The following DENND5B variants were observed in gnomAD, a reference collection of about 807,000 sequenced individuals.
The protein encoded by DENND5B is DENN domain-containing protein 5B.
In DENND5B, 34 loss-of-function variants were observed where a neutral mutation model predicts 140.6. The observed-to-expected ratio is 0.24, with a 90% confidence interval of 0.18 to 0.32. The LOEUF is 0.32. Among genes scored for constraint, DENND5B ranks in the 10% least tolerant of loss-of-function variants. The pLI is 1.00. For missense variants in DENND5B, 1,142 were observed against 1,560.2 expected (o/e 0.73, Z 4.52); for synonymous variants, 551 against 562.1 (o/e 0.98, Z 0.28).
At chr12:31,405,039 C>G (rs1942043780) in intron 14 of DENND5B, among the ~76,000 whole-genome samples, 1 of 151,824 alleles carries the variant, frequency 6.6e-6, no homozygotes, top group African/African-American at 2.4e-5. Context: ...GGATTACAGG[C>G]ATGAGCCACC....
intron 1 of DENND5B, among the ~76,000 whole-genome samples, chr12:31,587,402 T>A (rs1313773395): frequency 6.6e-6 from 1 of 152,074 alleles, no homozygotes; most frequent in Non-Finnish European, 1.5e-5. Context: ...ACCATATTCA[T>A]AGAATTCATA....
At chr12:31,439,618 C>A (rs576584412) in intron 7 of DENND5B, among the ~76,000 whole-genome samples, 49 of 145,376 alleles carry the variant, frequency 3.4e-4, no homozygotes, top group Non-Finnish European at 6.6e-4. Context: ...AATGAATGAA[C>A]AATCTAATGC....
At chr12:31,420,617 T>C (rs1293180470) in intron 11 of DENND5B, among the ~76,000 whole-genome samples, 2 of 152,122 alleles carry the variant, frequency 1.3e-5, no homozygotes, top group Non-Finnish European at 2.9e-5. Context: ...CTGACTTTTA[T>C]ATTTTTAGTA....
chr12:31,511,651 T>C (rs1947422218), intron 1 of DENND5B, among the ~76,000 whole-genome samples: 1 of 152,056 alleles, frequency 6.6e-6, no homozygotes, highest in South Asian at 2.1e-4. Flanking sequence ...TGTTAAATTA[T>C]ATCTTCCCCT....
intron 2 of DENND5B, among the ~76,000 whole-genome samples, chr12:31,491,382 G>A (rs930739917): frequency 2.6e-5 from 4 of 152,142 alleles, no homozygotes; most frequent in Non-Finnish European, 5.9e-5. Flanking sequence ...GAACACCGGA[G>A]GCAGAGGTTG....
chr12:31,398,486 A>T lies in DENND5B; in HGVS notation c.3069-124T>A, dbSNP rs1465684420. 6 of 880,280 alleles carry T rather than the reference A, an allele frequency of 6.8e-6. No individual in the cohort carries two copies. In the East Asian group the frequency reaches 1.4e-4, roughly 20 times the overall value. The allele number at this position is 880,280 out of a possible 1,614,324, so 54.5% of individuals were successfully genotyped here. A position where few individuals can be genotyped will look rare whatever the true frequency, so the allele number is the denominator to read the frequency against. ...CACCTGGCTAATTTTTGTGTTTTTTATAGAGAGGTCTCATTACATTGCCCA... is the reference window on the plus strand; with the variant it reads ...CACCTGGCTAATTTTTGTGTTTTTTTTAGAGAGGTCTCATTACATTGCCCA... On this transcript the variant is annotated intron_variant, in intron 16 of 20. Coordinates refer to ENST00000389082, the MANE Select transcript of DENND5B (RefSeq NM_144973.4).
intron 1 of DENND5B, among the ~76,000 whole-genome samples, chr12:31,524,280 T>C (rs1948007539): frequency 6.6e-6 from 1 of 152,196 alleles, no homozygotes; most frequent in African/African-American, 2.4e-5. Flanking sequence ...ATGGCAGAAA[T>C]GTCACTGTGA....
At chr12:31,574,347 T>G (rs1949937276) in intron 1 of DENND5B, among the ~76,000 whole-genome samples, 1 of 150,714 alleles carries the variant, frequency 6.6e-6, no homozygotes, top group African/African-American at 2.4e-5. Flanking sequence ...CCCAGCACTT[T>G]GGGAGGCCAA....
chr12:31,431,981 A>C, intron 8 of DENND5B: 1 of 843,810 alleles, frequency 1.2e-6, no homozygotes, highest in South Asian at 5.4e-5. Context: ...GTAACATTCA[A>C]GTAACACCAA....
intron 1 of DENND5B, among the ~76,000 whole-genome samples, chr12:31,575,517 AAATTT>A (rs1320600932): frequency 3.3e-5 from 5 of 152,234 alleles, no homozygotes; most frequent in African/African-American, 9.6e-5. Flanking sequence ...AAATTGATAT[AAATTT>A]AATATCTAGA....
At chr12:31,520,678 C>A (rs935876405) in intron 1 of DENND5B, among the ~76,000 whole-genome samples, 1 of 152,046 alleles carries the variant, frequency 6.6e-6, no homozygotes, top group African/African-American at 2.4e-5. Context: ...CTAGCTGGGA[C>A]TACAGGTGTG....
intron 2 of DENND5B, among the ~76,000 whole-genome samples, chr12:31,485,163 C>T (rs1946250908): frequency 6.6e-6 from 1 of 152,192 alleles, no homozygotes; most frequent in African/African-American, 2.4e-5. Context: ...GGGCACTGGT[C>T]AACAGAAAGG....
intron 1 of DENND5B, among the ~76,000 whole-genome samples, chr12:31,520,701 C>T (rs56282720): frequency 0.13 from 20,395 of 151,888 alleles, 1,618 homozygotes; most frequent in Non-Finnish European, 0.18. Flanking sequence ...CCACCATGCC[C>T]GGCTAATTTT....
At chr12:31,454,412 T>A (rs1283782681) in intron 4 of DENND5B, among the ~76,000 whole-genome samples, 1 of 152,188 alleles carries the variant, frequency 6.6e-6, no homozygotes, top group Non-Finnish European at 1.5e-5. Context: ...ATGTCGCATC[T>A]TGCTGAAGAC....
At position 31,452,300 on chromosome 12, in the gene DENND5B, C is replaced by T; in HGVS notation, c.1269G>A (p.Met423Ile). ...TGTCATTGACCAAGTCTTTCAGAAC[C>T]ATATTCTTCAGTTTGCTGGTACTCT... ...CSESTSKLKN[M>I]VLKDLVNDKK... Residue 423 changes from methionine (M) to isoleucine (I), a missense_variant, in exon 5 of 21, where the codon ATG (methionine) becomes ATA (isoleucine). Physicochemically the swap from Met to Ile is conservative, Grantham distance 10. Around this residue, in one of 5 missense-constraint regions of DENND5B, gnomAD observed 708 missense variants for 905.5 expected, o/e 0.78. Transcript: ENST00000389082. 1 of 1,613,892 alleles carries T rather than the reference C, an allele frequency of 6.2e-7. No individual in the cohort carries two copies. Among genetic ancestry groups the T allele is most frequent in the Non-Finnish European group, 8.5e-7 (1 of 1,179,880 alleles).
intron 1 of DENND5B, among the ~76,000 whole-genome samples, chr12:31,565,355 C>CA (rs1431742136): frequency 2.6e-5 from 4 of 151,958 alleles, no homozygotes; most frequent in African/African-American, 4.8e-5. Flanking sequence ...GATCATCTCA[C>CA]AAAAAAACGA....
intron 7 of DENND5B, 25 bp downstream of exon 7, chr12:31,442,750 C>G (rs1218983051): frequency 6.2e-7 from 1 of 1,605,494 alleles, no homozygotes; most frequent in African/African-American, 1.3e-5. Context: ...CTTCAACCAA[C>G]TACTCAAGTG....
chr12:31,564,400 G>C (rs1341566974), intron 1 of DENND5B, among the ~76,000 whole-genome samples: 1 of 151,886 alleles, frequency 6.6e-6, no homozygotes, highest in Non-Finnish European at 1.5e-5. Flanking sequence ...GGTAGGAACT[G>C]TTAAGAGTCC....
intron 2 of DENND5B, among the ~76,000 whole-genome samples, chr12:31,490,235 G>C (rs936224566): frequency 6.6e-6 from 1 of 151,832 alleles, no homozygotes; most frequent in Admixed American, 6.6e-5. Context: ...TTAAGGAAAC[G>C]GGCGAGAGGA....
Sources: allele counts gnomAD v4.1 joint callset (sites outside exome capture counted in the v4.1 genomes callset), GRCh38; gene constraint gnomAD v4.1.1; regional missense constraint gnomAD v4.1.1; transcripts MANE v1.5; gene names NCBI Gene and HGNC (gene_info 2026-07-23, HGNC 2026-07-21).